The following RAPGEF6 variants were observed in gnomAD, a reference collection of about 807,000 sequenced individuals.
RAPGEF6 encodes PDZ domain containing guanine nucleotide exchange factor (GEF) 2.
A neutral mutation model predicts 171.4 loss-of-function variants in RAPGEF6; 56 were observed. That is an observed-to-expected ratio of 0.33 (90% CI 0.26 to 0.41). RAPGEF6 has a LOEUF of 0.41. RAPGEF6 is among the 10% of genes least tolerant of loss of function. RAPGEF6 has a pLI of 1.00. For missense variants in RAPGEF6, 1,674 were observed against 1,921.4 expected (o/e 0.87, Z 2.41); for synonymous variants, 692 against 650.1 (o/e 1.06, Z -0.98).
chr5:131,439,782 T>C, intron 23 of RAPGEF6, 67 bp from the exon 24 acceptor site: 1 of 1,568,340 alleles, frequency 6.4e-7, no homozygotes, highest in African/African-American at 1.4e-5. Flanking sequence ...GTTGCCTAAA[T>C]CACTACATAA....
chr5:131,618,359 G>A (rs968827301), intron 1 of RAPGEF6, among the ~76,000 whole-genome samples: 1 of 152,124 alleles, frequency 6.6e-6, no homozygotes, highest in Admixed American at 6.6e-5. Context: ...GGCCAGGCAT[G>A]GTGGTCCACA....
At chr5:131,616,052 C>T (rs1765242434) in intron 1 of RAPGEF6, among the ~76,000 whole-genome samples, 1 of 152,038 alleles carries the variant, frequency 6.6e-6, no homozygotes, top group African/African-American at 2.4e-5. Flanking sequence ...ATTAGAAAAA[C>T]AAGTACCAGC....
intron 1 of RAPGEF6, among the ~76,000 whole-genome samples, chr5:131,633,452 G>A (rs1201384019): frequency 6.6e-6 from 1 of 151,888 alleles, no homozygotes; most frequent in Non-Finnish European, 1.5e-5. Context: ...AAAAGCAGCC[G>A]GGCAACTTGG....
At chr5:131,514,791 CAAAAGACACTCCGTA>C (rs1757969068) in intron 7 of RAPGEF6, among the ~76,000 whole-genome samples, 1 of 152,038 alleles carries the variant, frequency 6.6e-6, no homozygotes, top group African/African-American at 2.4e-5. Flanking sequence ...ATATGTGGGT[CAAAAGACACTCCGTA>C]TTCGTGAAGG....
intron 5 of RAPGEF6, among the ~76,000 whole-genome samples, chr5:131,560,337 T>G (rs1581025361): frequency 6.6e-6 from 1 of 152,334 alleles, no homozygotes; most frequent in East Asian, 1.9e-4. Context: ...TAGTGCATAT[T>G]TTGAATTCAT....
chr5:131,485,960 A>G (rs1561502310), intron 15 of RAPGEF6, among the ~76,000 whole-genome samples: 1 of 152,186 alleles, frequency 6.6e-6, no homozygotes, highest in Non-Finnish European at 1.5e-5. Flanking sequence ...TTAAAAAATT[A>G]TTTTTAGAAA....
chr5:131,489,410 C>A, intron 15 of RAPGEF6, 136 bp downstream of exon 15: 2 of 613,980 alleles, frequency 3.3e-6, no homozygotes, highest in African/African-American at 1.9e-5. Flanking sequence ...TAGTTCAAAA[C>A]TAAAGATTCT....
intron 4 of RAPGEF6, among the ~76,000 whole-genome samples, chr5:131,584,286 G>C (rs748161569): frequency 6.6e-6 from 1 of 152,202 alleles, no homozygotes; most frequent in Non-Finnish European, 1.5e-5. Context: ...CCTGGATGTA[G>C]AAAGATTCTT....
At chr5:131,453,581 AT>A (rs1230678355) in intron 20 of RAPGEF6, among the ~76,000 whole-genome samples, 1 of 152,140 alleles carries the variant, frequency 6.6e-6, no homozygotes, top group Non-Finnish European at 1.5e-5. Flanking sequence ...ACAGAGTGAG[AT>A]CTCAACTCAA....
Position 131,634,977 on chromosome 5 carries a change from G to C in RAPGEF6, c.54C>G (p.Pro18=). 6.2e-7 allele frequency: 1 copy of C among 1,614,034 alleles called. No homozygotes were observed. Residue 18 remains proline (P), a synonymous_variant, in exon 1 of 28, where the codon CCC becomes CCG. Coordinates refer to ENST00000509018, the MANE Select transcript of RAPGEF6 (RefSeq NM_016340.6). ...CCAGCCTCACCTCGGGAGTCCGCTC[G>C]GGTGGCTTCTTCCTCAACGCCTGCC... ...GARQALRKKP[P]ERTPEDLNTI...
chr5:131,623,352 A>G (rs1436982922), intron 1 of RAPGEF6, among the ~76,000 whole-genome samples: 5 of 152,176 alleles, frequency 3.3e-5, no homozygotes, highest in African/African-American at 9.7e-5. Context: ...ATTCTTAATG[A>G]GAATAGTAAT....
chr5:131,630,611 TAAGTAGGAGA>T (rs942020692), intron 1 of RAPGEF6, among the ~76,000 whole-genome samples: 1 of 152,226 alleles, frequency 6.6e-6, no homozygotes, highest in African/African-American at 2.4e-5. Flanking sequence ...GCTGAATCTA[TAAGTAGGAGA>T]AATCTCTCAC....
At chr5:131,513,150 A>G (rs958673162) in intron 7 of RAPGEF6, among the ~76,000 whole-genome samples, 5 of 152,184 alleles carry the variant, frequency 3.3e-5, no homozygotes, top group Non-Finnish European at 7.4e-5. Context: ...ACTTGTTTGC[A>G]GGTTATAATC....
chr5:131,572,379 C>T (rs999587573), intron 4 of RAPGEF6, among the ~76,000 whole-genome samples: 11 of 152,214 alleles, frequency 7.2e-5, no homozygotes, highest in African/African-American at 2.7e-4. Context: ...CCTTCAATCT[C>T]TCTCCTTTCA....
chr5:131,566,222 T>G (rs1180885510), intron 4 of RAPGEF6, among the ~76,000 whole-genome samples: 1 of 152,148 alleles, frequency 6.6e-6, no homozygotes, highest in Non-Finnish European at 1.5e-5. Flanking sequence ...AATAAAATTT[T>G]TGTACATTCC....
chr5:131,440,151 G>A, intron 23 of RAPGEF6: 1 of 448,596 alleles, frequency 2.2e-6, no homozygotes, highest in Non-Finnish European at 4.5e-6. Flanking sequence ...ACTACCTGTG[G>A]TGCATCTGTG....
At chr5:131,614,311 G>GAA (rs1765138998) in intron 1 of RAPGEF6, among the ~76,000 whole-genome samples, 1 of 138,978 alleles carries the variant, frequency 7.2e-6, no homozygotes, top group South Asian at 2.3e-4. Flanking sequence ...AAGAAAGAAA[G>GAA]AAAAAGAAAA....
At chr5:131,446,287 A>AT (rs138678438) in intron 22 of RAPGEF6, among the ~76,000 whole-genome samples, 196 bp downstream of exon 22, 13,766 of 152,222 alleles carry the variant, frequency 0.09, 1,389 homozygotes, top group African/African-American at 0.25. Flanking sequence ...TTATCCCTCT[A>AT]TTTTTTGGAT....
At chr5:131,601,678 TA>T (rs1341107278) in intron 3 of RAPGEF6, among the ~76,000 whole-genome samples, 1 of 152,010 alleles carries the variant, frequency 6.6e-6, no homozygotes, top group Non-Finnish European at 1.5e-5. Flanking sequence ...ACACAAACAT[TA>T]AGGGTTGTCA....
Sources: allele counts gnomAD v4.1 joint callset (sites outside exome capture counted in the v4.1 genomes callset), GRCh38; gene constraint gnomAD v4.1.1; transcripts MANE v1.5; gene names NCBI Gene and HGNC (gene_info 2026-07-23, HGNC 2026-07-21).